Variants in TSHR observed in about 807,000 individuals in gnomAD.
TSHR encodes the protein thyrotropin receptor.
A neutral mutation model predicts 64.1 loss-of-function variants in TSHR; 51 were observed. The ratio of observed to expected loss-of-function variants is 0.80; its 90% CI spans 0.64 to 1.01. The LOEUF (loss-of-function observed/expected upper bound fraction) is 1.01, where lower values mean the gene tolerates loss of function less well. Among genes scored for constraint, TSHR ranks in the 50% least tolerant of loss-of-function variants. The pLI, the probability that TSHR is intolerant of heterozygous loss-of-function variation, is 0.00. For synonymous variants in TSHR, 361 were observed against 361.9 expected, an observed-to-expected ratio of 1.00 and a Z score of 0.03; for missense variants, 877 against 942.8, an observed-to-expected ratio of 0.93 and a Z score of 0.91.
At chr14:81,135,777 T>A (rs1052351164) in intron 8 of TSHR, among the ~76,000 whole-genome samples, 10 of 152,178 alleles carry the variant, frequency 6.6e-5, no homozygotes, top group African/African-American at 2.4e-4. Context: ...GGAGAGGCAG[T>A]GCTAGATCCA....
intron 1 of TSHR, chr14:81,012,390 G>T (rs1005028065): frequency 6.6e-6 from 1 of 151,446 alleles, no homozygotes. Flanking sequence ...GAATAATGCC[G>T]CAATAAACAT....
Position 81,143,730 on chromosome 14 carries a change from G to A in TSHR, c.1672G>A (p.Val558Met), listed in dbSNP as rs764330550. Residue 558 changes from valine to methionine, a missense_variant, in exon 10 of 10, where the codon GTG (valine) becomes ATG (methionine). Transcript: ENST00000298171. ...CTTCCTTCTCGCCCTGCTTCCTTTGGTGGGAATAAGTAGCTATGCCAAAGT... is the reference window on the plus strand; with the variant it reads ...CTTCCTTCTCGCCCTGCTTCCTTTGATGGGAATAAGTAGCTATGCCAAAGT... Reference protein sequence around the residue: ...CCFLLALLPLVGISSYAKVSI... With the variant: ...CCFLLALLPLMGISSYAKVSI... 1.9e-6 allele frequency: 3 copies of A among 1,614,050 alleles called. No individual in the cohort carries two copies. Among genetic ancestry groups the A allele is most frequent in the South Asian group, 2.2e-5 (2 of 91,088 alleles).
intron 8 of TSHR, among the ~76,000 whole-genome samples, chr14:81,117,236 A>G (rs1300381414): frequency 8.5e-6 from 1 of 118,032 alleles, no homozygotes; most frequent in Non-Finnish European, 1.7e-5. Flanking sequence ...AAATTAATGA[A>G]TCCAGGAGCT....
At chr14:81,110,315 G>A (rs1890171275) in intron 8 of TSHR, among the ~76,000 whole-genome samples, 1 of 152,176 alleles carries the variant, frequency 6.6e-6, no homozygotes, top group South Asian at 2.1e-4. Context: ...GCTGTTAGGT[G>A]AGCCCTAATC....
intron 6 of TSHR, among the ~76,000 whole-genome samples, chr14:81,093,942 C>T (rs28417017): frequency 6.6e-6 from 1 of 151,770 alleles, no homozygotes; most frequent in African/African-American, 2.4e-5. Flanking sequence ...CCCCTTGACA[C>T]CATTTCTCTA....
chr14:81,061,040 G>A (rs1305660552), intron 1 of TSHR, among the ~76,000 whole-genome samples: 4 of 152,104 alleles, frequency 2.6e-5, no homozygotes, highest in Admixed American at 2.6e-4. Flanking sequence ...CCTTTAAGGT[G>A]CAAATCCAAC....
At chr14:81,092,641 C>T in intron 6 of TSHR, 33 bp downstream of exon 6, 1 of 1,598,934 alleles carries the variant, frequency 6.3e-7, no homozygotes, top group Non-Finnish European at 8.6e-7. Flanking sequence ...CCTCCATCAA[C>T]TAAATTCTAT....
At chr14:81,059,606 G>C (rs1886080786) in intron 1 of TSHR, among the ~76,000 whole-genome samples, 1 of 152,064 alleles carries the variant, frequency 6.6e-6, no homozygotes, top group African/African-American at 2.4e-5. Context: ...ATTCAAAAAG[G>C]AGACATTATT....
intron 2 of TSHR, among the ~76,000 whole-genome samples, chr14:81,062,888 T>G (rs2139895144): frequency 6.6e-6 from 1 of 152,050 alleles, no homozygotes; most frequent in South Asian, 2.1e-4. Flanking sequence ...TTTGGCCAAA[T>G]GTACTCACTC....
At chr14:81,133,809 GAA>G (rs1891345110) in intron 8 of TSHR, among the ~76,000 whole-genome samples, 1 of 151,930 alleles carries the variant, frequency 6.6e-6, no homozygotes, top group Non-Finnish European at 1.5e-5. Context: ...AGAAATCAAA[GAA>G]ATCACAGAAA....
At chr14:81,039,611 A>G (rs1884823365) in intron 1 of TSHR, among the ~76,000 whole-genome samples, 1 of 152,056 alleles carries the variant, frequency 6.6e-6, no homozygotes, top group Non-Finnish European at 1.5e-5. Context: ...ACTAATAAAC[A>G]AATTTAGTAA....
chr14:80,982,769 TG>T, intron 1 of TSHR: 1 of 619,956 alleles, frequency 1.6e-6, no homozygotes, highest in Non-Finnish European at 2.8e-6. Context: ...TCTTTGCCTG[TG>T]GCAACAGCCT....
At chr14:80,989,911 C>G (rs1363269079) in intron 1 of TSHR, among the ~76,000 whole-genome samples, 2 of 152,114 alleles carry the variant, frequency 1.3e-5, no homozygotes, top group African/African-American at 2.4e-5. Context: ...GACCTAGAAC[C>G]CAACTCTCCT....
chr14:81,053,685 A>G (rs1218524170), intron 1 of TSHR: 1 of 152,236 alleles, frequency 6.6e-6, no homozygotes, highest in Non-Finnish European at 1.5e-5. Flanking sequence ...ACACTTACCT[A>G]TGATCCATAA....
rs183267820 is a variant in TSHR at position 81,041,349 on chromosome 14, C to T, written c.171-20799C>T. Among the ~76,000 whole-genome samples the T allele has an allele frequency of 5.1e-3, 771 of 152,166 alleles. 30 individuals carry two copies. Among genetic ancestry groups the T allele is most frequent in the Admixed American group, 0.048 (734 of 15,270 alleles). On this transcript the variant is annotated intron_variant, in intron 1 of 9. Transcript: ENST00000298171. Reference sequence around the variant, plus strand: ...AATACTATGCAGCCATAAAAAAGAACGAGATCATGTCCTTTGCAGGGACAT... The same window carrying T: ...AATACTATGCAGCCATAAAAAAGAATGAGATCATGTCCTTTGCAGGGACAT...
chr14:81,100,882 A>T (rs1889536058), intron 7 of TSHR, among the ~76,000 whole-genome samples: 1 of 152,174 alleles, frequency 6.6e-6, no homozygotes, highest in Non-Finnish European at 1.5e-5. Flanking sequence ...CTGGCTTTGT[A>T]TGGAGGTTTC....
chr14:81,080,114 A>C (rs987387556), intron 3 of TSHR, among the ~76,000 whole-genome samples: 4 of 152,000 alleles, frequency 2.6e-5, no homozygotes, highest in Admixed American at 1.3e-4. Flanking sequence ...CACCATGCCC[A>C]GCTAATTTTT....
At chr14:80,992,835 A>G (rs1888809868) in intron 1 of TSHR, 1 of 152,190 alleles carries the variant, frequency 6.6e-6, no homozygotes, top group African/African-American at 2.4e-5. Flanking sequence ...GTTAACTATA[A>G]AAACAGGAAA....
intron 1 of TSHR, chr14:80,992,490 TA>T (rs1434800714): frequency 6.6e-6 from 1 of 152,024 alleles, no homozygotes; most frequent in Non-Finnish European, 1.5e-5. Flanking sequence ...ACTACTGTTG[TA>T]GATCTTACTG....
Sources: gnomAD v4.1 joint callset for allele counts (sites outside exome capture counted in the v4.1 genomes callset) on GRCh38, gnomAD v4.1.1 for gene constraint, MANE v1.5 for transcripts, NCBI Gene and HGNC (gene_info 2026-07-23, HGNC 2026-07-21) for gene names.